EML4: variants seen among roughly 807,000 people sequenced by gnomAD.
EML4 encodes EMAP like 4, also known as echinoderm microtubule-associated protein-like 4.
EML4 carries 72 observed loss-of-function variants against 129.0 expected under a neutral mutation model. That is an observed-to-expected ratio of 0.56 (90% CI 0.46 to 0.68). The LOEUF (loss-of-function observed/expected upper bound fraction) is 0.68, where lower values mean the gene tolerates loss of function less well. EML4 is among the 30% of genes least tolerant of loss of function. The pLI is 0.00. For synonymous variants in EML4, 532 were observed against 405.0 expected (o/e 1.31, Z -3.77); for missense variants, 1,363 against 1,190.6 (o/e 1.14, Z -2.13).
At chr2:42,240,893 C>T (rs1271655908) in intron 1 of EML4, among the ~76,000 whole-genome samples, 2 of 152,158 alleles carry the variant, frequency 1.3e-5, no homozygotes, top group South Asian at 2.1e-4. Flanking sequence ...GTAATCCCAG[C>T]ACTTTGGGAG....
chr2:42,204,240 T>C (rs1310279292), intron 1 of EML4, among the ~76,000 whole-genome samples: 1 of 152,134 alleles, frequency 6.6e-6, no homozygotes, highest in Non-Finnish European at 1.5e-5. Flanking sequence ...TAAAAAAAAT[T>C]AGAAGTTTTA....
At chr2:42,276,359 T>C (rs1666655842) in intron 6 of EML4, among the ~76,000 whole-genome samples, 1 of 152,188 alleles carries the variant, frequency 6.6e-6, no homozygotes, top group African/African-American at 2.4e-5. Context: ...GCTCCCTCGC[T>C]GAGATGGGGT....
chr2:42,325,409 A>G, intron 19 of EML4, 58 bp from the exon 20 acceptor site: 1 of 789,840 alleles, frequency 1.3e-6, no homozygotes. Context: ...CTAGCTGTTG[A>G]ACTGTTTATC....
chr2:42,234,416 C>T (rs1042440484), intron 1 of EML4, among the ~76,000 whole-genome samples: 9 of 152,166 alleles, frequency 5.9e-5, no homozygotes, highest in Non-Finnish European at 1.3e-4. Flanking sequence ...CTTGCCTTGT[C>T]TCGCTTCAGT....
At chr2:42,291,435 C>G (rs1226799165) in intron 11 of EML4, among the ~76,000 whole-genome samples, 1 of 122,612 alleles carries the variant, frequency 8.2e-6, no homozygotes, top group African/African-American at 3.3e-5. Context: ...CAGTCTCATT[C>G]TGTCACCCAT....
At chr2:42,329,103 G>A (rs1669964502) in intron 22 of EML4, 87 bp downstream of exon 22, 2 of 1,369,222 alleles carry the variant, frequency 1.5e-6, no homozygotes, top group Non-Finnish European at 2.0e-6. Context: ...ATAGGTTACT[G>A]ATTCCTCTCC....
intron 6 of EML4, among the ~76,000 whole-genome samples, chr2:42,275,668 T>TG (rs1401928144): frequency 6.6e-6 from 1 of 152,224 alleles, no homozygotes; most frequent in Admixed American, 6.5e-5. Flanking sequence ...AGTTAGTAAG[T>TG]GCTAAAGCTG....
chr2:42,322,573 C>G (rs1669577059), intron 19 of EML4, among the ~76,000 whole-genome samples: 1 of 152,234 alleles, frequency 6.6e-6, no homozygotes, highest in Non-Finnish European at 1.5e-5. Context: ...TTCTTCATAG[C>G]CATATTCTTT....
chr2:42,292,775 TAAA>T (rs1399307652), intron 11 of EML4, among the ~76,000 whole-genome samples: 1 of 152,162 alleles, frequency 6.6e-6, no homozygotes, highest in Admixed American at 6.5e-5. Context: ...TATATATCAA[TAAA>T]AAGTTAAAAG....
In EML4 at chr2:42,330,068, A is replaced by G; in HGVS notation, c.2807A>G (p.Asp936Gly). The G allele has an allele frequency of 6.2e-7, 1 of 1,613,186 alleles. No individual in the cohort carries two copies. The highest frequency in any genetic ancestry group is 8.5e-7 in the Non-Finnish European group (1 of 1,179,898). The change falls in exon 23 of 23, where the codon GAC becomes GGC. Residue 936 changes from aspartate to glycine, a missense_variant. Physicochemically the swap from Asp to Gly is moderately conservative, Grantham distance 94. Transcript: ENST00000318522. ...SLEQTVEPSE[D>G]HSEEESEEGS... ...GAACAAACTGTGGAGCCAAGTGAAG[A>G]CCACAGCGAGGAGGAGAGTGAAGAG...
At position 42,280,375 on chromosome 2, in the gene EML4, G is replaced by A. The variant is rs554582951; in HGVS notation, c.668-475G>A. On this transcript the variant is annotated intron_variant, in intron 6 of 22. Transcript: ENST00000318522. The stretch of plus-strand genomic sequence containing the variant: ...GACTAGGACTTTATAGTATCACTTT[G>A]TTTTCTGTATGCTGTGTAATGTAGT... Among the ~76,000 whole-genome samples the A allele has an allele frequency of 3.3e-5, 5 of 152,162 alleles. No individual in the cohort carries two copies. The South Asian group carries it at 1.0e-3, about 32-fold the overall frequency.
At chr2:42,239,911 T>C (rs1269696922) in intron 1 of EML4, among the ~76,000 whole-genome samples, 1 of 151,704 alleles carries the variant, frequency 6.6e-6, no homozygotes, top group Admixed American at 6.6e-5. Flanking sequence ...ATCTTAGAGA[T>C]TGGGAGGGAA....
chr2:42,243,338 G>C (rs1482690267), intron 1 of EML4, among the ~76,000 whole-genome samples: 1 of 151,556 alleles, frequency 6.6e-6, no homozygotes, highest in South Asian at 2.1e-4. Context: ...CTAGAATTCA[G>C]CTAGACCACC....
intron 7 of EML4, among the ~76,000 whole-genome samples, chr2:42,282,396 G>A (rs927503213): frequency 6.6e-6 from 1 of 151,102 alleles, no homozygotes; most frequent in Non-Finnish European, 1.5e-5. Flanking sequence ...TTTGGTGGAG[G>A]GGTGGGGGTG....
intron 1 of EML4, among the ~76,000 whole-genome samples, chr2:42,219,185 C>G (rs1400468487): frequency 6.6e-6 from 1 of 152,174 alleles, no homozygotes; most frequent in Admixed American, 6.5e-5. Context: ...GAAGAGCCCC[C>G]TTCATAAGGA....
At chr2:42,322,018 A>G (rs960973553) in intron 19 of EML4, among the ~76,000 whole-genome samples, 2 of 152,228 alleles carry the variant, frequency 1.3e-5, no homozygotes, top group African/African-American at 4.8e-5. Flanking sequence ...GATTTTCAAC[A>G]TATTTATGGG....
chr2:42,206,419 T>C (rs1216083778), intron 1 of EML4, among the ~76,000 whole-genome samples: 2 of 152,202 alleles, frequency 1.3e-5, no homozygotes, highest in African/African-American at 2.4e-5. Flanking sequence ...TTTCACTGTC[T>C]TGCCCAGGCA....
At chr2:42,287,750 A>G (rs750251857) in intron 10 of EML4, among the ~76,000 whole-genome samples, 2 of 152,226 alleles carry the variant, frequency 1.3e-5, no homozygotes, top group Admixed American at 1.3e-4. Flanking sequence ...TAAGTCAGGT[A>G]TCTCACAGAA....
At chr2:42,263,074 G>A (rs1665834420) in intron 4 of EML4, 104 bp from the exon 5 acceptor site, 7 of 956,608 alleles carry the variant, frequency 7.3e-6, no homozygotes, top group Non-Finnish European at 7.8e-6. Context: ...TTCTGGATTA[G>A]CTTTAAGGAA....
Sources: gnomAD v4.1 joint callset for allele counts (sites outside exome capture counted in the v4.1 genomes callset) on GRCh38, gnomAD v4.1.1 for gene constraint, MANE v1.5 for transcripts, NCBI Gene and HGNC (gene_info 2026-07-23, HGNC 2026-07-21) for gene names.